The following ZFHX3 variants were observed in gnomAD, a reference collection of about 807,000 sequenced individuals.
The protein encoded by ZFHX3 is zinc finger homeobox 3.
In ZFHX3, 42 loss-of-function variants were observed where a neutral mutation model predicts 279.1. The ratio of observed to expected loss-of-function variants is 0.15; its 90% CI spans 0.12 to 0.19. The LOEUF (loss-of-function observed/expected upper bound fraction) is 0.19, where lower values mean the gene tolerates loss of function less well. Ranked by LOEUF, ZFHX3 falls within the 10% of genes least tolerant of loss-of-function variation. ZFHX3 has a pLI of 1.00. For missense variants in ZFHX3, 4,981 were observed against 4,754.0 expected, an observed-to-expected ratio of 1.05 and a Z score of -1.40; for synonymous variants, 2,293 against 1,957.8, an observed-to-expected ratio of 1.17 and a Z score of -4.52.
At chr16:73,463,714 C>T (rs1344636074) in intron 2 of ZFHX3, among the ~76,000 whole-genome samples, 1 of 152,156 alleles carries the variant, frequency 6.6e-6, no homozygotes, top group Non-Finnish European at 1.5e-5. Flanking sequence ...GATTCGCTGG[C>T]CCTCATATCA....
chr16:73,579,385 T>C (rs995389987), intron 2 of ZFHX3, among the ~76,000 whole-genome samples: 2 of 152,238 alleles, frequency 1.3e-5, no homozygotes, highest in African/African-American at 4.8e-5. Flanking sequence ...ATCCTTAACC[T>C]TGGCAAAATT....
At chr16:73,339,673 A>T (rs907859122) in intron 3 of ZFHX3, among the ~76,000 whole-genome samples, 2 of 152,224 alleles carry the variant, frequency 1.3e-5, no homozygotes, top group Non-Finnish European at 2.9e-5. Context: ...CCAACTAATC[A>T]ACCATGAAGA....
chr16:73,243,744 T>TTG (rs34895940), intron 5 of ZFHX3, among the ~76,000 whole-genome samples: 21,534 of 149,946 alleles, frequency 0.14, 1,839 homozygotes, highest in East Asian at 0.46. Context: ...CCAACACGTT[T>TTG]TGTGTGTGTG....
intron 5 of ZFHX3, among the ~76,000 whole-genome samples, chr16:73,171,366 A>G (rs984973688): frequency 6.6e-6 from 1 of 152,226 alleles, no homozygotes; most frequent in East Asian, 1.9e-4. Flanking sequence ...AAATGCATCC[A>G]CTGGGCTGAA....
chr16:73,716,643 AC>A (rs1567560081), intron 1 of ZFHX3, among the ~76,000 whole-genome samples: 2,268 of 138,950 alleles, frequency 0.016, 33 homozygotes, highest in East Asian at 0.033. Flanking sequence ...ACACACACAC[AC>A]ACACACGCAT....
chr16:73,508,166 T>C (rs1273848757), intron 2 of ZFHX3, among the ~76,000 whole-genome samples: 1 of 152,178 alleles, frequency 6.6e-6, no homozygotes, highest in Non-Finnish European at 1.5e-5. Flanking sequence ...ACTAGGATGC[T>C]GAATTATTTT....
intron 5 of ZFHX3, among the ~76,000 whole-genome samples, chr16:73,228,296 A>G (rs144107830): frequency 6.6e-6 from 1 of 152,358 alleles, no homozygotes; most frequent in East Asian, 1.9e-4. Context: ...GTATAAAGAT[A>G]AATATTAAAA....
chr16:73,809,817 G>C (rs548563993), intron 1 of ZFHX3: 8 of 152,176 alleles, frequency 5.3e-5, no homozygotes, highest in African/African-American at 1.9e-4. Context: ...ACCTAGTCTT[G>C]CCTATAGTTT....
At chr16:73,470,950 G>A (rs1384822310) in intron 2 of ZFHX3, among the ~76,000 whole-genome samples, 1 of 152,222 alleles carries the variant, frequency 6.6e-6, no homozygotes, top group Non-Finnish European at 1.5e-5. Flanking sequence ...AGGCAAAGAA[G>A]TGAATGTGAG....
rs2035816317 is a variant in ZFHX3 at position 72,794,194 on chromosome 16, G to C, written c.8488C>G (p.Leu2830Val). 1 of 1,614,204 alleles carries C rather than the reference G, an allele frequency of 6.2e-7. No homozygotes were observed. Among genetic ancestry groups the C allele is most frequent in the South Asian group, 1.1e-5 (1 of 91,078 alleles). The change falls in exon 9 of 10, where the codon CTG (leucine) becomes GTG (valine). Residue 2830 changes from leucine (L) to valine (V), a missense_variant. Leu to Val is a conservative substitution (Grantham distance 32, BLOSUM62 1). Around this residue, in one of 7 missense-constraint regions of ZFHX3, gnomAD observed 744 missense variants for 701.3 expected, o/e 1.06. Transcript: ENST00000268489. This position sits in a 1 kb window ranked among gnomAD's most constrained non-coding sequence, Gnocchi z 4.2. Reference protein sequence around the residue: ...SVNLNFDQTKLDNDDCSSVNT... With the variant: ...SVNLNFDQTKVDNDDCSSVNT... ...ACAGAGGAACAGTCATCGTTGTCCA[G>C]CTTAGTTTGGTCAAAGTTTAGATTA... is the stretch of plus-strand genomic sequence containing the variant.
intron 1 of ZFHX3, among the ~76,000 whole-genome samples, chr16:73,046,327 G>C (rs1306139222): frequency 6.6e-6 from 1 of 152,130 alleles, no homozygotes; most frequent in East Asian, 1.9e-4. Context: ...AGAATCTCAG[G>C]CTGCCAGTGG....
chr16:73,041,495 AAAAC>A (rs1386580746), intron 1 of ZFHX3, among the ~76,000 whole-genome samples: 2 of 151,992 alleles, frequency 1.3e-5, no homozygotes, highest in Non-Finnish European at 2.9e-5. Context: ...TATCTTATGA[AAAAC>A]AAACCAACAG....
At chr16:73,153,076 G>T (rs1433549929) in intron 5 of ZFHX3, among the ~76,000 whole-genome samples, 1 of 152,042 alleles carries the variant, frequency 6.6e-6, no homozygotes, top group East Asian at 1.9e-4. Context: ...CAGGAAGCAG[G>T]TTAAACTCTC....
intron 7 of ZFHX3, among the ~76,000 whole-genome samples, chr16:73,119,667 A>C (rs528276700): frequency 6.6e-6 from 1 of 152,280 alleles, no homozygotes; most frequent in East Asian, 1.9e-4. Context: ...CATCATAGGA[A>C]ATATAAACTT....
chr16:73,567,847 G>C (rs2020472346), intron 2 of ZFHX3, among the ~76,000 whole-genome samples: 1 of 150,896 alleles, frequency 6.6e-6, no homozygotes, highest in Non-Finnish European at 1.5e-5. Flanking sequence ...CTTTGTTTCA[G>C]TGAAAAATGC....
intron 7 of ZFHX3, chr16:73,123,266 T>G (rs1966522664): frequency 6.8e-6 from 1 of 146,066 alleles, no homozygotes; most frequent in Non-Finnish European, 1.5e-5. Context: ...GTGGAGTCAG[T>G]TTCACCAGCC....
intron 2 of ZFHX3, among the ~76,000 whole-genome samples, chr16:73,532,660 T>C (rs568951807): frequency 2.0e-5 from 3 of 152,286 alleles, no homozygotes; most frequent in East Asian, 3.9e-4. Flanking sequence ...AATCTCTTTG[T>C]GCCTACATTT....
chr16:73,376,520 GTTC>G (rs1234302373), intron 3 of ZFHX3, among the ~76,000 whole-genome samples: 1 of 152,080 alleles, frequency 6.6e-6, no homozygotes, highest in Non-Finnish European at 1.5e-5. Flanking sequence ...TCATTTATTA[GTTC>G]TTCTAAAAAG....
At chr16:73,679,449 G>A (rs944939851) in intron 2 of ZFHX3, 5 of 152,062 alleles carry the variant, frequency 3.3e-5, no homozygotes, top group African/African-American at 7.2e-5. Flanking sequence ...AAGAGGCTCC[G>A]GAACAGCAAA....
Sources: gnomAD v4.1 joint callset for allele counts (sites outside exome capture counted in the v4.1 genomes callset) on GRCh38, gnomAD v4.1.1 for gene constraint, gnomAD v4.1.1 regional missense constraint, Gnocchi (gnomAD v3.1) non-coding constraint, MANE v1.5 for transcripts, NCBI Gene and HGNC (gene_info 2026-07-23, HGNC 2026-07-21) for gene names.